Variants in NLGN1 observed in about 807,000 individuals in gnomAD.
The protein encoded by NLGN1 is neuroligin-1.
In NLGN1, 12 loss-of-function variants were observed where a neutral mutation model predicts 65.5. The observed-to-expected ratio is 0.18, with a 90% confidence interval of 0.12 to 0.30. NLGN1 has a LOEUF of 0.30. Among genes scored for constraint, NLGN1 ranks in the 10% least tolerant of loss-of-function variants. The pLI is 1.00. For missense variants in NLGN1, 750 were observed against 1,007.1 expected, an observed-to-expected ratio of 0.74 and a Z score of 3.46; for synonymous variants, 350 against 359.5, an observed-to-expected ratio of 0.97 and a Z score of 0.30.
At chr3:173,861,971 G>A (rs1183266112) in intron 4 of NLGN1, among the ~76,000 whole-genome samples, 1 of 151,652 alleles carries the variant, frequency 6.6e-6, no homozygotes, top group Non-Finnish European at 1.5e-5. Flanking sequence ...GTTTTACCAT[G>A]TTGGCCAGGC....
intron 3 of NLGN1, among the ~76,000 whole-genome samples, chr3:173,758,995 T>G (rs1777551302): frequency 6.6e-6 from 1 of 151,942 alleles, no homozygotes; most frequent in Non-Finnish European, 1.5e-5. Context: ...TTCTTAATTT[T>G]GCACTTAGGT....
chr3:174,061,515 G>T (rs893191746), intron 4 of NLGN1, among the ~76,000 whole-genome samples: 10 of 152,012 alleles, frequency 6.6e-5, no homozygotes, highest in African/African-American at 2.4e-4. Context: ...GAGAGGTATT[G>T]TCAACCCATA....
At chr3:174,096,357 G>T (rs1410570512) in intron 4 of NLGN1, among the ~76,000 whole-genome samples, 1 of 151,758 alleles carries the variant, frequency 6.6e-6, no homozygotes. Flanking sequence ...GCAGAACATG[G>T]GTTGATTTAG....
intron 1 of NLGN1, among the ~76,000 whole-genome samples, chr3:173,406,537 ATC>A (rs1718707324): frequency 6.7e-6 from 1 of 148,292 alleles, no homozygotes; most frequent in Non-Finnish European, 1.5e-5. Flanking sequence ...AGATATATAT[ATC>A]AATATATATG....
chr3:173,715,580 C>T (rs911313470), intron 3 of NLGN1, among the ~76,000 whole-genome samples: 1 of 152,086 alleles, frequency 6.6e-6, no homozygotes, highest in African/African-American at 2.4e-5. Context: ...TTCTGTATCC[C>T]TTTTATTACA....
At chr3:174,025,780 C>T (rs1282233009) in intron 4 of NLGN1, among the ~76,000 whole-genome samples, 1 of 152,160 alleles carries the variant, frequency 6.6e-6, no homozygotes, top group Non-Finnish European at 1.5e-5. Context: ...ATTAGCTATT[C>T]CGGAAATGAT....
At chr3:174,095,768 G>A (rs1745402019) in intron 4 of NLGN1, among the ~76,000 whole-genome samples, 1 of 151,944 alleles carries the variant, frequency 6.6e-6, no homozygotes, top group Admixed American at 6.6e-5. Flanking sequence ...GGGTGGCTGA[G>A]GCCGGTGGAT....
chr3:173,802,642 A>G (rs942661073), intron 3 of NLGN1, among the ~76,000 whole-genome samples: 8 of 152,182 alleles, frequency 5.3e-5, no homozygotes, highest in African/African-American at 1.7e-4. Flanking sequence ...ATCACTGGAC[A>G]TAAGGCAACA....
In NLGN1 at chr3:173,849,552, G is replaced by A. The variant is rs898232366; in HGVS notation, c.646+41720G>A. Among the ~76,000 whole-genome samples, 4 of 152,148 alleles carry A rather than the reference G, an allele frequency of 2.6e-5. No individual in the cohort carries two copies. In the South Asian group the frequency reaches 6.2e-4, roughly 24 times the overall value. ...TATATTTTACTAATACAAAATCAGC[G>A]GTATGCAAAATGTTAGGCATCATTT... On this transcript the variant is annotated intron_variant, in intron 4 of 6. Coordinates refer to ENST00000457714, the Ensembl canonical transcript of NLGN1.
intron 4 of NLGN1, among the ~76,000 whole-genome samples, chr3:173,988,025 G>C (rs1720317321): frequency 6.6e-6 from 1 of 152,046 alleles, no homozygotes; most frequent in African/African-American, 2.4e-5. Flanking sequence ...GCTACATTTT[G>C]GGAAAACTCG....
intron 3 of NLGN1, among the ~76,000 whole-genome samples, chr3:173,692,621 A>C (rs896083300): frequency 7.9e-5 from 12 of 152,080 alleles, no homozygotes; most frequent in Non-Finnish European, 1.3e-4. Flanking sequence ...GTTTATATTG[A>C]GTATTTTAGA....
At chr3:173,950,592 C>G (rs2152327502) in intron 4 of NLGN1, among the ~76,000 whole-genome samples, 1 of 152,122 alleles carries the variant, frequency 6.6e-6, no homozygotes, top group East Asian at 1.9e-4. Flanking sequence ...GTGGGTGGAT[C>G]ACCTGAGGTC....
chr3:174,190,973 T>C (rs1440680888), intron 4 of NLGN1, among the ~76,000 whole-genome samples: 2 of 152,026 alleles, frequency 1.3e-5, no homozygotes, highest in Non-Finnish European at 2.9e-5. Flanking sequence ...TATACTATTC[T>C]CTCCTCTTTC....
chr3:173,508,624 C>G (rs540278653), intron 2 of NLGN1, among the ~76,000 whole-genome samples: 1 of 152,266 alleles, frequency 6.6e-6, no homozygotes, highest in African/African-American at 2.4e-5. Context: ...CTGGAGCCCT[C>G]TACTCCTGCC....
intron 2 of NLGN1, among the ~76,000 whole-genome samples, chr3:173,517,534 A>G (rs1417418026): frequency 6.6e-6 from 1 of 152,012 alleles, no homozygotes; most frequent in Admixed American, 6.6e-5. Context: ...ATTTCACTAT[A>G]TTTCACAATA....
intron 4 of NLGN1, among the ~76,000 whole-genome samples, chr3:173,925,002 T>C (rs1206477473): frequency 6.6e-6 from 1 of 152,208 alleles, no homozygotes; most frequent in African/African-American, 2.4e-5. Flanking sequence ...TGCCTATGGA[T>C]ATTTTCTTTG....
chr3:173,612,652 G>C (rs769154881), intron 3 of NLGN1, among the ~76,000 whole-genome samples: 8 of 152,138 alleles, frequency 5.3e-5, no homozygotes, highest in Admixed American at 2.0e-4. Flanking sequence ...TTCTAATCCA[G>C]TGTGACCTCA....
In NLGN1 at chr3:173,702,537, A is replaced by G. The variant is rs116786641; in HGVS notation, c.493+97446A>G. Reference sequence around the variant, plus strand: ...GCAAGGACTTTTCCTCTTAATCTGTATTGTCTTTGAATAAGATGATGATCA... The same window carrying G: ...GCAAGGACTTTTCCTCTTAATCTGTGTTGTCTTTGAATAAGATGATGATCA... On this transcript the variant is annotated intron_variant, in intron 3 of 6. Coordinates refer to ENST00000457714, the Ensembl canonical transcript of NLGN1. Among the ~76,000 whole-genome samples, 818 of 152,304 alleles carry G rather than the reference A, an allele frequency of 5.4e-3. 3 individuals carry two copies. Among genetic ancestry groups the G allele is most frequent in the Non-Finnish European group, 8.4e-3 (572 of 68,012 alleles).
chr3:174,167,606 T>TC lies in NLGN1; in HGVS notation c.647-107709_647-107708insC, dbSNP rs1350394980. Among the ~76,000 whole-genome samples the TC allele has an allele frequency of 3.7e-4, 55 of 147,882 alleles. No homozygotes were observed. In the South Asian group the frequency reaches 4.2e-3, roughly 11 times the overall value. On this transcript the variant is annotated intron_variant, in intron 4 of 6. Transcript: ENST00000457714. ...GTGATCTGCCCCCTTTTTTTTTTTT[T>TC]TTTAACCTAGTTGCCCTTAAGATTT...
Sources: allele counts gnomAD v4.1 joint callset (sites outside exome capture counted in the v4.1 genomes callset), GRCh38; gene constraint gnomAD v4.1.1; transcripts MANE v1.5; gene names NCBI Gene and HGNC (gene_info 2026-07-23, HGNC 2026-07-21).